Variants in DPP4 observed in about 807,000 individuals in gnomAD.
DPP4 encodes the protein dipeptidyl peptidase 4, also known as ADCP-2.
A neutral mutation model predicts 122.4 loss-of-function variants in DPP4; 93 were observed. The observed-to-expected ratio is 0.76, with a 90% CI of 0.64 to 0.90. DPP4 has a LOEUF of 0.90. DPP4 is among the 40% of genes least tolerant of loss of function. The pLI is 0.00. For synonymous variants in DPP4, 321 were observed against 302.9 expected (o/e 1.06, Z -0.62); for missense variants, 914 against 907.3 (o/e 1.01, Z -0.09).
At position 162,046,956 on chromosome 2, in the gene DPP4, C is replaced by T; in HGVS notation, c.244G>A (p.Glu82Lys). The change falls in exon 4 of 26, where the codon GAA becomes AAA. Residue 82 changes from glutamate (E) to lysine (K), a missense_variant. Transcript: ENST00000360534. Reference protein sequence around the residue: ...QENNILVFNAEYGNSSVFLEN... With the variant: ...QENNILVFNAKYGNSSVFLEN... The stretch of plus-strand genomic sequence containing the variant: ...AAGAAAACTGAGCTGTTTCCATATT[C>T]AGCATTGAATACCAAGATATTATTT... 6.3e-7 allele frequency: 1 copy of T among 1,598,064 alleles called. No individual in the cohort carries two copies. Among genetic ancestry groups the T allele is most frequent in the South Asian group, 1.1e-5 (1 of 90,614 alleles).
At position 162,008,668 on chromosome 2, in the gene DPP4, A is replaced by G. The variant is rs1701345449; in HGVS notation, c.1888-7T>C. 6 of 1,610,312 alleles carry G rather than the reference A, an allele frequency of 3.7e-6. No homozygotes were observed. The highest frequency in any genetic ancestry group is 1.7e-5 in the Admixed American group (1 of 59,926). Reference sequence around the variant, plus strand: ...TTACGTACCCTCCATATGACTAAGGAATGGAAACAGTTATTTTTATGGAGG... The same window carrying G: ...TTACGTACCCTCCATATGACTAAGGGATGGAAACAGTTATTTTTATGGAGG... On this transcript the variant is annotated splice_region_variant and splice_polypyrimidine_tract_variant and intron_variant, in intron 21 of 25. Transcript: ENST00000360534.
At chr2:162,073,950 G>T (rs200957341) in intron 1 of DPP4, 26 bp downstream of exon 1, 1 of 1,611,638 alleles carries the variant, frequency 6.2e-7, no homozygotes, top group South Asian at 1.1e-5. Flanking sequence ...AGCTCGCCCC[G>T]GGGACGTACG....
chr2:162,066,737 T>A (rs1158561401), intron 2 of DPP4, among the ~76,000 whole-genome samples: 1 of 152,198 alleles, frequency 6.6e-6, no homozygotes. Context: ...TTACATCTGA[T>A]GATGGTCTCA....
intron 22 of DPP4, among the ~76,000 whole-genome samples, chr2:162,008,270 A>G (rs1309537121): frequency 6.6e-6 from 1 of 152,188 alleles, no homozygotes; most frequent in Non-Finnish European, 1.5e-5. Context: ...ATCAAATCAG[A>G]GTAAAGATAA....
chr2:162,034,222 C>T (rs143991138), intron 9 of DPP4, among the ~76,000 whole-genome samples: 1 of 152,086 alleles, frequency 6.6e-6, no homozygotes, highest in East Asian at 1.9e-4. Context: ...ACCTATAAAA[C>T]CTTTTTAAAT....
intron 2 of DPP4, among the ~76,000 whole-genome samples, chr2:162,050,613 A>G (rs982469460): frequency 6.6e-6 from 1 of 152,200 alleles, no homozygotes; most frequent in Non-Finnish European, 1.5e-5. Flanking sequence ...CAGTTTCCAC[A>G]TATTAGCTGC....
intron 10 of DPP4, among the ~76,000 whole-genome samples, chr2:162,030,631 GTGTAT>G (rs1683512183): frequency 6.6e-6 from 1 of 152,154 alleles, no homozygotes; most frequent in African/African-American, 2.4e-5. Context: ...CCAGAAAACG[GTGTAT>G]CATCATGTAC....
At chr2:162,064,509 T>C (rs1684888101) in intron 2 of DPP4, among the ~76,000 whole-genome samples, 1 of 152,238 alleles carries the variant, frequency 6.6e-6, no homozygotes, top group African/African-American at 2.4e-5. Context: ...TTTTAAGTCC[T>C]ACTTTCCTGG....
At chr2:162,035,420 T>C (rs1174611504) in intron 8 of DPP4, 96 bp from the exon 9 acceptor site, 3 of 1,158,946 alleles carry the variant, frequency 2.6e-6, no homozygotes, top group Non-Finnish European at 3.6e-6. Context: ...GTAATTACAG[T>C]AGAGTTCAAC....
At chr2:162,000,180 C>T (rs182667962) in intron 23 of DPP4, among the ~76,000 whole-genome samples, 33 of 152,134 alleles carry the variant, frequency 2.2e-4, no homozygotes, top group Middle Eastern at 6.8e-3. Flanking sequence ...TTGGGTTTAG[C>T]GGCTTGCTCT....
intron 25 of DPP4, 65 bp downstream of exon 25, chr2:161,994,896 G>T: frequency 4.1e-6 from 6 of 1,475,382 alleles, no homozygotes; most frequent in East Asian, 2.3e-5. Context: ...AAAAGAATTA[G>T]CCCAGAAAGA....
intron 2 of DPP4, among the ~76,000 whole-genome samples, chr2:162,055,475 T>C (rs1684538931): frequency 6.6e-6 from 1 of 151,986 alleles, no homozygotes; most frequent in African/African-American, 2.4e-5. Context: ...GATGGGTGGA[T>C]TGCTTGAGCT....
intron 23 of DPP4, among the ~76,000 whole-genome samples, chr2:162,005,251 C>T (rs1020379340): frequency 2.0e-5 from 3 of 152,110 alleles, no homozygotes; most frequent in Admixed American, 2.0e-4. Context: ...AGGTTTAGGG[C>T]TTTTTAAGGG....
At chr2:162,024,144 T>C (rs903850551) in intron 11 of DPP4, among the ~76,000 whole-genome samples, 1 of 152,216 alleles carries the variant, frequency 6.6e-6, no homozygotes, top group Non-Finnish European at 1.5e-5. Context: ...GGAGGTATCC[T>C]TGGCATATGC....
intron 2 of DPP4, among the ~76,000 whole-genome samples, chr2:162,050,604 A>G (rs1394396160): frequency 6.6e-6 from 1 of 152,234 alleles, no homozygotes; most frequent in Non-Finnish European, 1.5e-5. Context: ...CCTGCAACCC[A>G]GTTTCCACAT....
chr2:162,059,168 A>G (rs1445036407), intron 2 of DPP4, among the ~76,000 whole-genome samples: 1 of 152,050 alleles, frequency 6.6e-6, no homozygotes, highest in African/African-American at 2.4e-5. Context: ...GCTATCATGC[A>G]GAGTCAGGAA....
chr2:162,052,161 A>G (rs1462809477), intron 2 of DPP4, among the ~76,000 whole-genome samples: 5 of 151,886 alleles, frequency 3.3e-5, no homozygotes, highest in Non-Finnish European at 5.9e-5. Context: ...TCTGCTAACA[A>G]TAGAAAATTA....
intron 18 of DPP4, among the ~76,000 whole-genome samples, chr2:162,014,720 T>G (rs1682848984): frequency 6.6e-6 from 1 of 152,204 alleles, no homozygotes; most frequent in African/African-American, 2.4e-5. Flanking sequence ...CCTAGTAACA[T>G]AAAAGTGCAT....
chr2:162,017,627 G>C (rs531564250), intron 16 of DPP4: 1 of 156,912 alleles, frequency 6.4e-6, no homozygotes, highest in Admixed American at 6.4e-5. Flanking sequence ...AGAGCCAGGC[G>C]GCACATCTGC....
Sources: gnomAD v4.1 joint callset for allele counts (sites outside exome capture counted in the v4.1 genomes callset) on GRCh38, gnomAD v4.1.1 for gene constraint, MANE v1.5 for transcripts, NCBI Gene and HGNC (gene_info 2026-07-23, HGNC 2026-07-21) for gene names.